DTNA: variants seen among roughly 807,000 people sequenced by gnomAD.
DTNA encodes the protein dystrophin-related protein 3.
A neutral mutation model predicts 100.7 loss-of-function variants in DTNA; 43 were observed. The observed-to-expected ratio is 0.43, with a 90% confidence interval of 0.33 to 0.55. The LOEUF is 0.55. Among genes scored for constraint, DTNA ranks in the 20% least tolerant of loss-of-function variants. The pLI, the probability that DTNA is intolerant of heterozygous loss-of-function variation, is 0.04. For synonymous variants in DTNA, 349 were observed against 347.9 expected (o/e 1.00, Z -0.04); for missense variants, 798 against 953.9 (o/e 0.84, Z 2.15).
chr18:34,614,568 T>A (rs1042879277), intron 1 of DTNA, among the ~76,000 whole-genome samples: 3 of 152,080 alleles, frequency 2.0e-5, no homozygotes, highest in Non-Finnish European at 4.4e-5. Flanking sequence ...TTAGAAGAAG[T>A]TGATTTCAAC....
At position 34,857,880 on chromosome 18, in the gene DTNA, G is replaced by A. The variant is rs79756154; in HGVS notation, c.1533-405G>A. ...TACTTGGTAGCTGCAGGTACTTTAC[G>A]GTGTCAGAGTGTGATCGTAAATAAC... On this transcript the variant is annotated intron_variant, in intron 15 of 22. Transcript: ENST00000444659. 2.2e-3 allele frequency among the ~76,000 whole-genome samples: 328 copies of A among 152,154 alleles called. 1 individual carries two copies. The highest frequency in any genetic ancestry group is 6.9e-3 in the African/African-American group (288 of 41,510).
At chr18:34,560,850 A>AT (rs1555805016) in intron 1 of DTNA, among the ~76,000 whole-genome samples, 1 of 152,148 alleles carries the variant, frequency 6.6e-6, no homozygotes. Context: ...TCAGCCCAAG[A>AT]TATGGAGGTT....
intron 1 of DTNA, among the ~76,000 whole-genome samples, chr18:34,742,595 T>TG (rs34197898): frequency 2.3e-4 from 13 of 55,480 alleles, no homozygotes; most frequent in Admixed American, 1.7e-3. Flanking sequence ...TTCACAAATT[T>TG]GGGGGGGTTA....
At chr18:34,553,461 A>G (rs1245947388) in intron 1 of DTNA, among the ~76,000 whole-genome samples, 10 of 151,388 alleles carry the variant, frequency 6.6e-5, no homozygotes, top group African/African-American at 1.5e-4. Flanking sequence ...GCCCATGCCT[A>G]TGTCCTGAAT....
chr18:34,618,795 A>C (rs1294820611), intron 1 of DTNA, among the ~76,000 whole-genome samples: 1 of 152,190 alleles, frequency 6.6e-6, no homozygotes, highest in Non-Finnish European at 1.5e-5. Context: ...TTTTTAAAAT[A>C]TCTTTTCATT....
intron 4 of DTNA, among the ~76,000 whole-genome samples, chr18:34,798,362 A>T (rs988666701): frequency 3.9e-5 from 6 of 152,124 alleles, no homozygotes; most frequent in African/African-American, 1.4e-4. Flanking sequence ...TATTACAAAG[A>T]CTAGCGGGTC....
intron 1 of DTNA, among the ~76,000 whole-genome samples, chr18:34,667,537 T>C: frequency 6.6e-6 from 1 of 152,226 alleles, no homozygotes; most frequent in Non-Finnish European, 1.5e-5. Flanking sequence ...TTTTGCCCAT[T>C]CAGTATGATA....
At chr18:34,753,365 TA>T (rs1230324472) in intron 1 of DTNA, among the ~76,000 whole-genome samples, 45 of 80,844 alleles carry the variant, frequency 5.6e-4, no homozygotes, top group African/African-American at 1.8e-3. Context: ...TTATTTATTT[TA>T]TTTTTTTTTT....
At chr18:34,761,103 ATCTC>A (rs1418721418) in intron 2 of DTNA, among the ~76,000 whole-genome samples, 5 of 148,320 alleles carry the variant, frequency 3.4e-5, no homozygotes, top group African/African-American at 1.3e-4. Flanking sequence ...CTCTCTCAGT[ATCTC>A]TCTCTCTCCC....
rs2049538303 is a variant in DTNA at position 34,589,981 on chromosome 18, A to C, written c.-2+96467A>C. Reference sequence around the variant, plus strand: ...GGATAAGATTCTGCATATGTATATCACAATTTCTGTATTCATTCCTCTGTC... The same window carrying C: ...GGATAAGATTCTGCATATGTATATCCCAATTTCTGTATTCATTCCTCTGTC... On this transcript the variant is annotated intron_variant, in intron 1 of 19. Transcript: ENST00000283365. Among the ~76,000 whole-genome samples the C allele has an allele frequency of 2.0e-5, 3 of 152,174 alleles. No individual in the cohort carries two copies. The South Asian group carries it at 6.2e-4, about 31-fold the overall frequency.
chr18:34,502,420 C>A (rs969624987), intron 1 of DTNA, among the ~76,000 whole-genome samples: 1 of 151,814 alleles, frequency 6.6e-6, no homozygotes, highest in Non-Finnish European at 1.5e-5. Flanking sequence ...ATAATAATAT[C>A]TTTTTCTATA....
At chr18:34,576,335 T>C (rs528379440) in intron 1 of DTNA, among the ~76,000 whole-genome samples, 2 of 152,300 alleles carry the variant, frequency 1.3e-5, no homozygotes, top group African/African-American at 4.8e-5. Context: ...AAGTCAGCAA[T>C]TGACAATCAA....
At chr18:34,848,269 G>C (rs768922667) in intron 13 of DTNA, 27 bp from the exon 14 acceptor site, 2 of 1,611,324 alleles carry the variant, frequency 1.2e-6, no homozygotes, top group Non-Finnish European at 1.7e-6. Context: ...TTGCCTAACG[G>C]TCTCCTTCTT....
chr18:34,861,441 A>C (rs1180838898), intron 16 of DTNA, among the ~76,000 whole-genome samples: 3 of 136,692 alleles, frequency 2.2e-5, no homozygotes, highest in Non-Finnish European at 3.0e-5. Flanking sequence ...AGCCGAGATC[A>C]CGCCACTGCA....
At chr18:34,516,661 G>A (rs560137640) in intron 1 of DTNA, among the ~76,000 whole-genome samples, 3 of 152,186 alleles carry the variant, frequency 2.0e-5, no homozygotes, top group African/African-American at 4.8e-5. Context: ...AGAATTCAGC[G>A]ATATTTCTCC....
At chr18:34,818,459 C>T (rs2095641643) in intron 8 of DTNA, 129 bp downstream of exon 8, 2 of 1,538,086 alleles carry the variant, frequency 1.3e-6, no homozygotes, top group East Asian at 4.9e-5. Context: ...GTATTCAGTC[C>T]CCCTTCCTCC....
intron 1 of DTNA, among the ~76,000 whole-genome samples, chr18:34,651,439 T>A (rs944692608): frequency 6.6e-6 from 1 of 152,192 alleles, no homozygotes; most frequent in Non-Finnish European, 1.5e-5. Context: ...TGCTAGCCAC[T>A]TTTATTTTTT....
chr18:34,783,157 G>T (rs1335326938), intron 3 of DTNA, among the ~76,000 whole-genome samples: 1 of 151,986 alleles, frequency 6.6e-6, no homozygotes, highest in African/African-American at 2.4e-5. Context: ...TGTAATCCTT[G>T]GTATAATACT....
At position 34,884,770 on chromosome 18, in the gene DTNA, C is replaced by T. The variant is rs1568907142; in HGVS notation, c.*25C>T. On this transcript the variant is annotated 3_prime_UTR_variant, in exon 22 of 23. Coordinates refer to ENST00000444659, the MANE Select transcript of DTNA (RefSeq NM_001386795.1). ...AATGCAATATCCTTTTATCACACTC[C>T]TCTCAAGTAAGTACCATCTTATTTA... 1.2e-6 allele frequency: 2 copies of T among 1,614,084 alleles called. No individual in the cohort carries two copies. The highest frequency in any genetic ancestry group is 1.7e-5 in the Admixed American group (1 of 60,030).
Sources: allele counts gnomAD v4.1 joint callset (sites outside exome capture counted in the v4.1 genomes callset), GRCh38; gene constraint gnomAD v4.1.1; transcripts MANE v1.5; gene names NCBI Gene and HGNC (gene_info 2026-07-23, HGNC 2026-07-21).